Variants in CEP120 observed in about 807,000 individuals in gnomAD.
The protein encoded by CEP120 is centrosomal protein 120.
In CEP120, 113 loss-of-function variants were observed where a neutral mutation model predicts 126.5. That is an observed-to-expected ratio of 0.89 (90% CI 0.77 to 1.04). CEP120 has a LOEUF of 1.04. CEP120 is among the 50% of genes least tolerant of loss of function. The probability of loss-of-function intolerance (pLI) is 0.00; values close to 1 mark genes in which losing one functional copy is unlikely to be tolerated. For synonymous variants in CEP120, 400 were observed against 394.3 expected (o/e 1.01, Z -0.17); for missense variants, 1,230 against 1,155.7 (o/e 1.06, Z -0.93).
intron 4 of CEP120, among the ~76,000 whole-genome samples, chr5:123,409,615 G>T (rs1773905968): frequency 6.6e-6 from 1 of 152,102 alleles, no homozygotes; most frequent in Admixed American, 6.6e-5. Context: ...GTTCACAGAG[G>T]ACATGATTAC....
chr5:123,405,944 TA>T (rs1028524050), intron 4 of CEP120, among the ~76,000 whole-genome samples: 2 of 152,050 alleles, frequency 1.3e-5, no homozygotes, highest in African/African-American at 4.8e-5. Context: ...TATAAGGCTT[TA>T]ATGAAAAAAG....
At chr5:123,403,459 G>A (rs1225701317) in intron 4 of CEP120, 1 of 353,290 alleles carries the variant, frequency 2.8e-6, no homozygotes, top group Admixed American at 4.3e-5. Context: ...GTTAAATATT[G>A]TAAAACACTA....
In CEP120 at chr5:123,393,548, C is replaced by T. The variant is rs1772548309; in HGVS notation, c.613-51G>A. On this transcript the variant is annotated intron_variant, in intron 5 of 19. Coordinates refer to ENST00000306467, the MANE Select transcript of CEP120 (RefSeq NM_001375405.1). ...AGTTATTACTTTCTAAACTACTGAA[C>T]ATGCTTAGTGTATCTATTACATTCC... is the stretch of plus-strand genomic sequence containing the variant. 6.3e-6 allele frequency: 9 copies of T among 1,433,082 alleles called. No homozygotes were observed. In the East Asian group the frequency reaches 2.0e-4, roughly 33 times the overall value. The allele number at this position is 1,433,082 out of a possible 1,614,324, so 88.8% of individuals were successfully genotyped here.
Position 123,364,480 on chromosome 5 carries a change from G to C in CEP120, c.2580+16C>G. ...AGGGAAAAAGATATAAAAAGAATAAGCTATAAACTACATACCTGTTTAAGT... is the reference window on the plus strand; with the variant it reads ...AGGGAAAAAGATATAAAAAGAATAACCTATAAACTACATACCTGTTTAAGT... On this transcript the variant is annotated intron_variant, in intron 18 of 19. Coordinates refer to ENST00000306467, the MANE Select transcript of CEP120 (RefSeq NM_001375405.1). 6.5e-7 allele frequency: 1 copy of C among 1,531,210 alleles called. No homozygotes were observed. Among genetic ancestry groups the C allele is most frequent in the Non-Finnish European group, 9.0e-7 (1 of 1,116,604 alleles). 94.9% of individuals were successfully genotyped at this position (1,531,210 alleles called of 1,614,324 possible). A position where few individuals can be genotyped will look rare whatever the true frequency, so the allele number is the denominator to read the frequency against.
intron 5 of CEP120, among the ~76,000 whole-genome samples, chr5:123,398,145 T>A (rs1040829524): frequency 1.3e-5 from 2 of 152,100 alleles, no homozygotes; most frequent in African/African-American, 2.4e-5. Context: ...AACCATATTA[T>A]CTATTTTTGT....
chr5:123,423,120 A>T lies in CEP120; in HGVS notation c.-122T>A. 1 of 791,326 alleles carries T rather than the reference A, an allele frequency of 1.3e-6. No individual in the cohort carries two copies. Among genetic ancestry groups the T allele is most frequent in the Non-Finnish European group, 2.1e-6 (1 of 471,858 alleles). The allele number at this position is 791,326 out of a possible 1,614,324, so 49.0% of individuals were successfully genotyped here. A position where few individuals can be genotyped will look rare whatever the true frequency, so the allele number is the denominator to read the frequency against. On this transcript the variant is annotated 5_prime_UTR_variant, in exon 1 of 20. Coordinates refer to ENST00000306467, the MANE Select transcript of CEP120 (RefSeq NM_001375405.1). ...CCCGCCCCCGGTCCCTGATGCCCGG[A>T]CCCCGCTCCGCAGCCAGGTCCCACC... is the stretch of plus-strand genomic sequence containing the variant.
chr5:123,351,756 A>G (rs1769213032), intron 18 of CEP120, among the ~76,000 whole-genome samples: 1 of 133,380 alleles, frequency 7.5e-6, no homozygotes, highest in South Asian at 2.6e-4. Context: ...GTTTTACACA[A>G]TGTTTTAAAT....
intron 4 of CEP120, chr5:123,401,937 A>G: frequency 6.4e-7 from 1 of 1,563,014 alleles, no homozygotes; most frequent in Non-Finnish European, 8.7e-7. Context: ...CATGTTGTCC[A>G]TGTTGCTCCC....
intron 1 of CEP120, 51 bp from the exon 2 acceptor site, chr5:123,418,566 G>T: frequency 1.4e-6 from 2 of 1,440,492 alleles, no homozygotes; most frequent in South Asian, 1.4e-5. Flanking sequence ...AAATCAAACA[G>T]GATCATTTAC....
chr5:123,385,631 T>C (rs1771968294), intron 10 of CEP120, among the ~76,000 whole-genome samples: 1 of 152,040 alleles, frequency 6.6e-6, no homozygotes. Flanking sequence ...TTTTTTTTTT[T>C]TTTGAGACAG....
intron 17 of CEP120, among the ~76,000 whole-genome samples, chr5:123,370,797 C>G (rs1188285126): frequency 6.7e-6 from 1 of 148,508 alleles, no homozygotes; most frequent in Non-Finnish European, 1.5e-5. Flanking sequence ...TCTACAGAGG[C>G]AGGGTTTCTC....
intron 16 of CEP120, among the ~76,000 whole-genome samples, chr5:123,374,109 G>A (rs1382525394): frequency 6.6e-6 from 1 of 151,986 alleles, no homozygotes; most frequent in Admixed American, 6.6e-5. Flanking sequence ...AGCATTTCTT[G>A]TTTTTACAGT....
At chr5:123,417,638 A>G (rs1025922623) in intron 2 of CEP120, among the ~76,000 whole-genome samples, 3 of 152,064 alleles carry the variant, frequency 2.0e-5, no homozygotes, top group African/African-American at 7.2e-5. Flanking sequence ...AGAAATTACA[A>G]GGAATTCCAA....
Position 123,393,427 on chromosome 5 carries a change from T to A in CEP120, c.683A>T (p.Asn228Ile). The A allele has an allele frequency of 6.2e-7, 1 of 1,614,128 alleles. No individual in the cohort carries two copies. Among genetic ancestry groups the A allele is most frequent in the South Asian group, 1.1e-5 (1 of 91,080 alleles). Reference protein sequence around the residue: ...EFFFYYSLLGNDVTNEPFNDL... With the variant: ...EFFFYYSLLGIDVTNEPFNDL... Reference sequence around the variant, plus strand: ...ATTGAAGGGTTCATTTGTAACATCATTTCCCAGTAAAGAGTAGTAAAAGAA... The same window carrying A: ...ATTGAAGGGTTCATTTGTAACATCAATTCCCAGTAAAGAGTAGTAAAAGAA... Residue 228 changes from asparagine (N) to isoleucine (I), a missense_variant, in exon 6 of 20, where the codon AAT becomes ATT. By Grantham distance (149) the Asn-to-Ile change is moderately radical. Coordinates refer to ENST00000306467, the MANE Select transcript of CEP120 (RefSeq NM_001375405.1).
intron 4 of CEP120, chr5:123,401,910 T>G: frequency 6.4e-7 from 1 of 1,555,826 alleles, no homozygotes; most frequent in Non-Finnish European, 8.8e-7. Context: ...CCTAAGGTTG[T>G]TGATGTAGCT....
At chr5:123,379,772 T>C (rs975783193) in intron 14 of CEP120, among the ~76,000 whole-genome samples, 6 of 152,094 alleles carry the variant, frequency 3.9e-5, no homozygotes, top group Non-Finnish European at 8.8e-5. Flanking sequence ...TCAAACTACA[T>C]ATAATTTTCT....
intron 14 of CEP120, among the ~76,000 whole-genome samples, chr5:123,379,662 A>C (rs1554102168): frequency 6.6e-6 from 1 of 152,088 alleles, no homozygotes; most frequent in Non-Finnish European, 1.5e-5. Flanking sequence ...TATCTAGTCT[A>C]AACTCTACAT....
Position 123,416,097 on chromosome 5 carries a change from T to C in CEP120, c.234A>G (p.Gln78=), listed in dbSNP as rs367707481. 1.2e-4 allele frequency: 186 copies of C among 1,613,592 alleles called. No homozygotes were observed. Among genetic ancestry groups the C allele is most frequent in the African/African-American group, 2.3e-4 (17 of 74,938 alleles). The part of the protein sequence containing the change: ...HRLQRTPIKL[Q]CFALDPVTSA... Reference sequence around the variant, plus strand: ...AAGTTACAGGATCCAAGGCAAAACATTGGAGTTTGATAGGAGTACGCTGTA... The same window carrying C: ...AAGTTACAGGATCCAAGGCAAAACACTGGAGTTTGATAGGAGTACGCTGTA... Residue 78 remains glutamine, a synonymous_variant, in exon 3 of 20, where the codon CAA becomes CAG. Transcript: ENST00000306467.
At chr5:123,386,479 T>C (rs988734823) in intron 10 of CEP120, 39 bp downstream of exon 10, 1 of 1,316,738 alleles carries the variant, frequency 7.6e-7, no homozygotes, top group Admixed American at 3.0e-5. Context: ...AAGAATTGAC[T>C]TAAATTAATT....
Sources: gnomAD v4.1 joint callset for allele counts (sites outside exome capture counted in the v4.1 genomes callset) on GRCh38, gnomAD v4.1.1 for gene constraint, MANE v1.5 for transcripts, NCBI Gene and HGNC (gene_info 2026-07-23, HGNC 2026-07-21) for gene names.